The following UGT1A6 variants were observed in gnomAD, a reference collection of about 807,000 sequenced individuals.
UGT1A6 encodes UDP-glucuronosyltransferase 1A6.
UGT1A6 carries 32 observed loss-of-function variants against 44.4 expected under a neutral mutation model. That is an observed-to-expected ratio of 0.72 (90% confidence interval 0.54 to 0.97). UGT1A6 has a LOEUF of 0.97. Among genes scored for constraint, UGT1A6 ranks in the 50% least tolerant of loss-of-function variants. The pLI is 0.00. For synonymous variants in UGT1A6, 238 were observed against 248.5 expected, an observed-to-expected ratio of 0.96 and a Z score of 0.40; for missense variants, 685 against 661.9, an observed-to-expected ratio of 1.03 and a Z score of -0.38.
intron 1 of UGT1A6, chr2:233,729,198 C>T (rs2077812796): frequency 6.2e-6 from 10 of 1,614,028 alleles, no homozygotes; most frequent in Non-Finnish European, 8.5e-6. Flanking sequence ...GTGTCCAGCC[C>T]TGGGCTGAGA....
chr2:233,711,525 A>G (rs28898593), intron 1 of UGT1A6, among the ~76,000 whole-genome samples: 3,267 of 151,616 alleles, frequency 0.022, 100 homozygotes, highest in African/African-American at 0.073. Flanking sequence ...TGTCCTCACA[A>G]CTCCCCGGGA....
chr2:233,736,099 G>A (rs1234908815), intron 1 of UGT1A6, among the ~76,000 whole-genome samples: 3 of 152,216 alleles, frequency 2.0e-5, no homozygotes, highest in African/African-American at 7.2e-5. Context: ...ATATCCTGAA[G>A]AGTGTTTTCC....
chr2:233,701,555 C>T (rs1220931123), intron 1 of UGT1A6, among the ~76,000 whole-genome samples: 1 of 152,122 alleles, frequency 6.6e-6, no homozygotes, highest in African/African-American at 2.4e-5. Context: ...TTTTCAGCAC[C>T]ACACCACACC....
In UGT1A6 at chr2:233,693,339, A is replaced by G. The variant is rs778434768; in HGVS notation, c.335A>G (p.Tyr112Cys). The G allele has an allele frequency of 6.8e-6, 11 of 1,614,190 alleles. No homozygotes were observed. Among genetic ancestry groups the G allele is most frequent in the Middle Eastern group, 1.6e-4 (1 of 6,062 alleles). Residue 112 changes from tyrosine (Y) to cysteine (C), a missense_variant, in exon 1 of 5, where the codon TAC (tyrosine) becomes TGC (cysteine). Transcript: ENST00000305139. ...TTCCTAACTGCTCCTCAGACAGAGTACAGGAATAACATGATTGTTATTGGC... is the reference window on the plus strand; with the variant it reads ...TTCCTAACTGCTCCTCAGACAGAGTGCAGGAATAACATGATTGTTATTGGC... Reference protein sequence around the residue: ...RSFLTAPQTEYRNNMIVIGLY... With the variant: ...RSFLTAPQTECRNNMIVIGLY...
chr2:233,768,258 T>C lies in UGT1A6; in HGVS notation c.1120T>C (p.Ser374Pro). 1 of 1,614,230 alleles carries C rather than the reference T, an allele frequency of 6.2e-7. No homozygotes were observed. The highest frequency in any genetic ancestry group is 8.5e-7 in the Non-Finnish European group (1 of 1,180,044). Residue 374 changes from serine (S) to proline (P), a missense_variant, in exon 4 of 5, where the codon TCC becomes CCC. By Grantham distance (74) the Ser-to-Pro change is moderately conservative. Coordinates refer to ENST00000305139, the MANE Select transcript of UGT1A6 (RefSeq NM_001072.4). ...MTRAFITHAG[S>P]HGVYESICNG... Reference sequence around the variant, plus strand: ...CCGTGCCTTTATCACCCATGCTGGTTCCCATGGTGTTTATGAAAGCATATG... The same window carrying C: ...CCGTGCCTTTATCACCCATGCTGGTCCCCATGGTGTTTATGAAAGCATATG...
At chr2:233,698,967 G>A (rs771951485) in intron 1 of UGT1A6, among the ~76,000 whole-genome samples, 2 of 152,206 alleles carry the variant, frequency 1.3e-5, no homozygotes, top group Non-Finnish European at 2.9e-5. Context: ...CCTTGGGGAA[G>A]CCCTTTGGCC....
chr2:233,748,015 C>T lies in UGT1A6; in HGVS notation c.862-19019C>T, dbSNP rs746722710. ...GACTTTGTGATGGATTACCCCAGGC[C>T]GATCATGCCCAACATGGTCTTCATT... is the stretch of plus-strand genomic sequence containing the variant. On this transcript the variant is annotated intron_variant, in intron 1 of 4. Coordinates refer to ENST00000305139, the MANE Select transcript of UGT1A6 (RefSeq NM_001072.4). The T allele has an allele frequency of 4.5e-4, 728 of 1,613,308 alleles. 4 individuals carry two copies. Among genetic ancestry groups the T allele is most frequent in the Middle Eastern group, 6.6e-4 (4 of 6,082 alleles).
chr2:233,746,292 T>G (rs1467631519), intron 1 of UGT1A6, among the ~76,000 whole-genome samples: 3 of 151,662 alleles, frequency 2.0e-5, no homozygotes, highest in Non-Finnish European at 4.4e-5. Flanking sequence ...GAAGGTGGCT[T>G]TGTTTCCCTT....
chr2:233,729,080 A>T lies in UGT1A6; in HGVS notation c.861+35215A>T, dbSNP rs1488435672. 6 of 1,612,076 alleles carry T rather than the reference A, an allele frequency of 3.7e-6. No homozygotes were observed. In the African/African-American group the frequency reaches 8.0e-5, roughly 22 times the overall value. On this transcript the variant is annotated intron_variant, in intron 1 of 4. Transcript: ENST00000305139. Reference sequence around the variant, plus strand: ...TTAAGATGAAGAAAGCAAATGTAGCAGGCACAGCGTGGGGTGGACAGTCAG... The same window carrying T: ...TTAAGATGAAGAAAGCAAATGTAGCTGGCACAGCGTGGGGTGGACAGTCAG...
At chr2:233,709,237 G>A (rs1333156053) in intron 1 of UGT1A6, among the ~76,000 whole-genome samples, 2 of 152,106 alleles carry the variant, frequency 1.3e-5, no homozygotes, top group African/African-American at 2.4e-5. Context: ...AGGGGTGGCC[G>A]CTGGGATGAG....
At chr2:233,762,715 C>T (rs1406790908) in intron 1 of UGT1A6, among the ~76,000 whole-genome samples, 19 of 149,510 alleles carry the variant, frequency 1.3e-4, no homozygotes, top group Middle Eastern at 3.4e-3. Flanking sequence ...GTATTTTACA[C>T]GGTTTTTTTT....
rs45535938 is a variant in UGT1A6, at chr2:233,693,109, C to T, written c.105C>T (p.Asp35=). ...ACAAGCTGCTGGTGGTCCCTCAGGA[C>T]GGAAGCCACTGGCTTAGTATGAAGG... ...VGDKLLVVPQ[D]GSHWLSMKDI... is the part of the protein sequence containing the mutation. The change falls in exon 1 of 5, where the codon GAC becomes GAT. Residue 35 remains aspartate, a synonymous_variant. Coordinates refer to ENST00000305139, the MANE Select transcript of UGT1A6 (RefSeq NM_001072.4). 1.9e-3 allele frequency: 3,145 copies of T among 1,614,076 alleles called. 71 individuals are homozygous for T. The East Asian group carries it at 0.05, about 26-fold the overall frequency.
At chr2:233,693,977 T>TG in intron 1 of UGT1A6, 112 bp downstream of exon 1, 1 of 1,559,130 alleles carries the variant, frequency 6.4e-7, no homozygotes, top group Non-Finnish European at 8.7e-7. Context: ...GGAGAAACGG[T>TG]GGGGGGAAGT....
At chr2:233,764,109 T>C (rs1698482048) in intron 1 of UGT1A6, among the ~76,000 whole-genome samples, 2 of 152,214 alleles carry the variant, frequency 1.3e-5, no homozygotes, top group African/African-American at 2.4e-5. Flanking sequence ...TACAAAATTC[T>C]TGGTAAAGTT....
Position 233,692,972 on chromosome 2 carries a change from T to C in UGT1A6, c.-33T>C. 6.2e-7 allele frequency: 1 copy of C among 1,612,102 alleles called. No individual in the cohort carries two copies. Among genetic ancestry groups the C allele is most frequent in the Non-Finnish European group, 8.5e-7 (1 of 1,179,298 alleles). On this transcript the variant is annotated 5_prime_UTR_variant, in exon 1 of 5. Coordinates refer to ENST00000305139, the MANE Select transcript of UGT1A6 (RefSeq NM_001072.4). The stretch of plus-strand genomic sequence containing the variant: ...CCTGTGATTTGGAGAGTGAAAACTC[T>C]TTATTACCGTTGTTACTTTAACTCT...
intron 1 of UGT1A6, among the ~76,000 whole-genome samples, chr2:233,752,870 C>T (rs896364354): frequency 6.6e-6 from 1 of 152,212 alleles, no homozygotes; most frequent in Non-Finnish European, 1.5e-5. Flanking sequence ...TGTTAGCTTT[C>T]AACTGTTAAA....
At chr2:233,755,113 AG>A in intron 1 of UGT1A6, 1 of 1,332,540 alleles carries the variant, frequency 7.5e-7, no homozygotes, top group Non-Finnish European at 1.0e-6. Context: ...AACACCTCGT[AG>A]GCCTCAGCCA....
At chr2:233,747,134 C>G (rs1693570015) in intron 1 of UGT1A6, 6 of 1,538,798 alleles carry the variant, frequency 3.9e-6, no homozygotes, top group Non-Finnish European at 5.3e-6. Flanking sequence ...GGCTCAGTGA[C>G]AAGGTAATTA....
At chr2:233,749,892 C>T (rs1443411185) in intron 1 of UGT1A6, among the ~76,000 whole-genome samples, 2 of 151,938 alleles carry the variant, frequency 1.3e-5, no homozygotes, top group African/African-American at 2.4e-5. Flanking sequence ...TGAGGCTCCC[C>T]CCTCCAGCCA....
Sources: gnomAD v4.1 joint callset for allele counts (sites outside exome capture counted in the v4.1 genomes callset) on GRCh38, gnomAD v4.1.1 for gene constraint, MANE v1.5 for transcripts, NCBI Gene and HGNC (gene_info 2026-07-23, HGNC 2026-07-21) for gene names.